ALDH1A2: variants seen among roughly 807,000 people sequenced by gnomAD.
ALDH1A2 encodes retinal dehydrogenase 2.
ALDH1A2 carries 27 observed loss-of-function variants against 60.3 expected under a neutral mutation model. The ratio of observed to expected loss-of-function variants is 0.45; its 90% confidence interval spans 0.33 to 0.62. ALDH1A2 has a LOEUF of 0.62. Among genes scored for constraint, ALDH1A2 ranks in the 20% least tolerant of loss-of-function variants. The pLI is 0.02. For missense variants in ALDH1A2, 581 were observed against 643.8 expected, an observed-to-expected ratio of 0.90 and a Z score of 1.06; for synonymous variants, 289 against 232.4, an observed-to-expected ratio of 1.24 and a Z score of -2.21.
chr15:58,000,325 C>T (rs1037770844), intron 4 of ALDH1A2, among the ~76,000 whole-genome samples: 5 of 151,894 alleles, frequency 3.3e-5, no homozygotes, highest in African/African-American at 1.2e-4. Flanking sequence ...TCTGTGGGCA[C>T]CTTCAGCTAG....
chr15:57,976,759 T>A (rs1193038946), intron 7 of ALDH1A2, among the ~76,000 whole-genome samples: 1 of 152,186 alleles, frequency 6.6e-6, no homozygotes, highest in Non-Finnish European at 1.5e-5. Flanking sequence ...GAATGACTTA[T>A]AATCCTTTGG....
chr15:58,024,524 A>AAT (rs1896021358), intron 1 of ALDH1A2, among the ~76,000 whole-genome samples: 1 of 152,152 alleles, frequency 6.6e-6, no homozygotes, highest in South Asian at 2.1e-4. Flanking sequence ...ATAAAATCTA[A>AAT]ATATATATGT....
chr15:57,974,008 T>C (rs1443338077), intron 7 of ALDH1A2, among the ~76,000 whole-genome samples: 2 of 152,330 alleles, frequency 1.3e-5, no homozygotes, highest in African/African-American at 2.4e-5. Flanking sequence ...TATTGGAAGA[T>C]TGCATAGGTA....
chr15:58,023,268 C>T (rs1895983024), intron 1 of ALDH1A2, among the ~76,000 whole-genome samples: 1 of 151,984 alleles, frequency 6.6e-6, no homozygotes, highest in Non-Finnish European at 1.5e-5. Flanking sequence ...TGAAATAATC[C>T]AGTAAAACAA....
chr15:58,032,871 T>C (rs1896280165), intron 1 of ALDH1A2, among the ~76,000 whole-genome samples: 1 of 152,008 alleles, frequency 6.6e-6, no homozygotes, highest in African/African-American at 2.4e-5. Flanking sequence ...TCATGTCATT[T>C]GCAGCAACGT....
intron 9 of ALDH1A2, among the ~76,000 whole-genome samples, chr15:57,963,017 A>G (rs4646629): frequency 0.36 from 54,821 of 151,978 alleles, 10,737 homozygotes; most frequent in Non-Finnish European, 0.46. Context: ...CCACCCCACT[A>G]AAGTACACGA....
In ALDH1A2 at chr15:58,042,960, T is replaced by C. The variant is rs148874472; in HGVS notation, c.117+22574A>G. Among the ~76,000 whole-genome samples, 307 of 152,128 alleles carry C rather than the reference T, an allele frequency of 2.0e-3. 2 individuals are homozygous for C. Among genetic ancestry groups the C allele is most frequent in the African/African-American group, 7.1e-3 (293 of 41,544 alleles). ...TCATTTTATAGTTTGTTATTTAAAC[T>C]GACTGTGCATTAGGGGCTTATTTAT... On this transcript the variant is annotated intron_variant, in intron 1 of 12. Coordinates refer to ENST00000249750, the MANE Select transcript of ALDH1A2 (RefSeq NM_003888.4).
intron 12 of ALDH1A2, among the ~76,000 whole-genome samples, chr15:57,958,695 T>G (rs1398929511): frequency 6.6e-6 from 1 of 151,992 alleles, no homozygotes; most frequent in African/African-American, 2.4e-5. Flanking sequence ...GTGGAGTTTC[T>G]GAGGCTGTAT....
At chr15:57,999,825 A>G (rs1317293779) in intron 4 of ALDH1A2, among the ~76,000 whole-genome samples, 1 of 152,112 alleles carries the variant, frequency 6.6e-6, no homozygotes, top group East Asian at 1.9e-4. Flanking sequence ...AATCCCCATC[A>G]ATGATAGACT....
chr15:57,970,931 T>G (rs1894042459), intron 7 of ALDH1A2, among the ~76,000 whole-genome samples: 1 of 152,186 alleles, frequency 6.6e-6, no homozygotes, highest in Non-Finnish European at 1.5e-5. Flanking sequence ...ATTGGGTGTT[T>G]GTCTTTCTGA....
chr15:58,011,586 C>T (rs1310808855), intron 3 of ALDH1A2, among the ~76,000 whole-genome samples: 1 of 151,904 alleles, frequency 6.6e-6, no homozygotes, highest in Non-Finnish European at 1.5e-5. Context: ...TCTTTTTTTC[C>T]TACAAGTGTA....
intron 1 of ALDH1A2, among the ~76,000 whole-genome samples, chr15:58,057,753 C>T (rs535235655): frequency 6.6e-6 from 1 of 152,234 alleles, no homozygotes; most frequent in East Asian, 1.9e-4. Flanking sequence ...GAATCCTCTA[C>T]CGCCTCTTCA....
At chr15:57,968,176 T>A (rs1893954836) in intron 7 of ALDH1A2, among the ~76,000 whole-genome samples, 1 of 152,228 alleles carries the variant, frequency 6.6e-6, no homozygotes, top group Non-Finnish European at 1.5e-5. Context: ...AACAGGTAAC[T>A]GCTTTCTCAA....
intron 3 of ALDH1A2, among the ~76,000 whole-genome samples, chr15:58,012,550 T>G (rs35579195): frequency 6.6e-6 from 1 of 152,210 alleles, no homozygotes. Context: ...CAGTGTCTTG[T>G]GAATCTGCAA....
intron 1 of ALDH1A2, among the ~76,000 whole-genome samples, chr15:58,046,327 G>T (rs535899889): frequency 1.3e-5 from 2 of 152,134 alleles, no homozygotes; most frequent in African/African-American, 4.8e-5. Context: ...GGATAGCAAG[G>T]TAACAAGCAA....
rs191730432 is a variant in ALDH1A2, at chr15:58,058,257, G to C, written c.117+7277C>G. ...CTCAGTCTGGAAATCTGGTATATGA[G>C]TGTTAGGAGTGACAGGTGGGGAAAA... On this transcript the variant is annotated intron_variant, in intron 1 of 12. Transcript: ENST00000249750. 1.1e-4 allele frequency: 51 copies of C among 476,278 alleles called. No homozygotes were observed. The Admixed American group carries it at 1.4e-3, about 13-fold the overall frequency. 29.5% of individuals were successfully genotyped at this position (476,278 alleles called of 1,614,324 possible).
At chr15:58,029,148 A>G (rs1896160635) in intron 1 of ALDH1A2, among the ~76,000 whole-genome samples, 1 of 152,188 alleles carries the variant, frequency 6.6e-6, no homozygotes, top group African/African-American at 2.4e-5. Context: ...ATTTGAAGTA[A>G]AACACTCCTC....
intron 1 of ALDH1A2, among the ~76,000 whole-genome samples, chr15:58,051,876 G>A (rs1027241530): frequency 2.6e-5 from 4 of 152,100 alleles, no homozygotes; most frequent in East Asian, 1.9e-4. Context: ...TTGCCACCAC[G>A]CTTCCTCACC....
At chr15:58,002,045 T>C (rs111834856) in intron 4 of ALDH1A2, among the ~76,000 whole-genome samples, 43 of 152,006 alleles carry the variant, frequency 2.8e-4, no homozygotes, top group African/African-American at 1.0e-3. Flanking sequence ...CAGATATTGC[T>C]CTTAAAGGGG....
Sources: allele counts gnomAD v4.1 joint callset (sites outside exome capture counted in the v4.1 genomes callset), GRCh38; gene constraint gnomAD v4.1.1; transcripts MANE v1.5; gene names NCBI Gene and HGNC (gene_info 2026-07-23, HGNC 2026-07-21).